Variants in UGT1A6 observed in about 807,000 individuals in gnomAD.
UGT1A6 encodes the protein UDP-glucuronosyltransferase 1A6.
A neutral mutation model predicts 44.4 loss-of-function variants in UGT1A6; 32 were observed. That is an observed-to-expected ratio of 0.72 (90% confidence interval 0.54 to 0.97). UGT1A6 has a LOEUF of 0.97. Ranked by LOEUF, UGT1A6 falls within the 50% of genes least tolerant of loss-of-function variation. The pLI is 0.00. For missense variants in UGT1A6, 685 were observed against 661.9 expected (o/e 1.03, Z -0.38); for synonymous variants, 238 against 248.5 (o/e 0.96, Z 0.40).
intron 1 of UGT1A6, chr2:233,721,861 C>A: frequency 2.0e-6 from 1 of 507,538 alleles, no homozygotes; most frequent in Non-Finnish European, 3.9e-6. Flanking sequence ...CTGCTCGGCC[C>A]TGGGCACACT....
intron 1 of UGT1A6, chr2:233,729,416 CTCAACTGT>C (rs2077854535): frequency 6.2e-7 from 1 of 1,613,510 alleles, no homozygotes. Context: ...CTGGGCCACA[CTCAACTGT>C]ACTTTGAAAC....
At chr2:233,750,094 G>C (rs1227492206) in intron 1 of UGT1A6, among the ~76,000 whole-genome samples, 2 of 151,908 alleles carry the variant, frequency 1.3e-5, no homozygotes, top group Non-Finnish European at 2.9e-5. Flanking sequence ...GAACAGTTTG[G>C]AGAGCTCAGA....
At position 233,694,150 on chromosome 2, in the gene UGT1A6, C is replaced by T. The variant is rs2075202276; in HGVS notation, c.861+285C>T. On this transcript the variant is annotated intron_variant, in intron 1 of 4. Transcript: ENST00000305139. ...CTCATTGAATGAGCCTTAGAAATGT[C>T]CCAGTTCAAACAGAGGTGAAGGCTT... Among the ~76,000 whole-genome samples the T allele has an allele frequency of 1.3e-5, 2 of 152,122 alleles. 1 individual carries two copies. Among genetic ancestry groups the T allele is most frequent in the South Asian group, 4.1e-4 (2 of 4,826 alleles).
At chr2:233,757,679 A>C (rs1462473576) in intron 1 of UGT1A6, among the ~76,000 whole-genome samples, 1 of 151,534 alleles carries the variant, frequency 6.6e-6, no homozygotes, top group African/African-American at 2.4e-5. Context: ...CAAGGAATTC[A>C]AGGGATTCAA....
At chr2:233,743,311 A>AT (rs1692260590) in intron 1 of UGT1A6, 3 of 650,626 alleles carry the variant, frequency 4.6e-6, no homozygotes, top group Non-Finnish European at 7.4e-6. Flanking sequence ...CTTGGTGGTG[A>AT]TTTTTTTACC....
intron 1 of UGT1A6, among the ~76,000 whole-genome samples, chr2:233,759,941 CTTG>C (rs1697287093): frequency 6.6e-6 from 1 of 152,156 alleles, no homozygotes; most frequent in Non-Finnish European, 1.5e-5. Flanking sequence ...AGAAGCCTAA[CTTG>C]TTCACTACAT....
At chr2:233,749,453 C>T (rs1313864160) in intron 1 of UGT1A6, among the ~76,000 whole-genome samples, 3 of 151,804 alleles carry the variant, frequency 2.0e-5, no homozygotes, top group Non-Finnish European at 2.9e-5. Flanking sequence ...TGGAGCAGAA[C>T]GAATTGGGAA....
At position 233,765,603 on chromosome 2, in the gene UGT1A6, T is replaced by C. The variant is rs376691829; in HGVS notation, c.862-1431T>C. ...GGGGAACAACACACACCAGGGCTTG[T>C]GGCGGGGTGAGGGGTGAGGGGAGGA... On this transcript the variant is annotated intron_variant, in intron 1 of 4. Coordinates refer to ENST00000305139, the MANE Select transcript of UGT1A6 (RefSeq NM_001072.4). Among the ~76,000 whole-genome samples, 8 of 151,018 alleles carry C rather than the reference T, an allele frequency of 5.3e-5. No individual in the cohort carries two copies. In the East Asian group the frequency reaches 5.8e-4, roughly 11 times the overall value.
intron 1 of UGT1A6, among the ~76,000 whole-genome samples, chr2:233,758,743 G>T (rs1250346162): frequency 6.6e-6 from 1 of 152,162 alleles, no homozygotes; most frequent in East Asian, 1.9e-4. Context: ...CCCAAGTATG[G>T]CTGGCCAGTG....
chr2:233,713,457 C>T, intron 1 of UGT1A6: 1 of 1,614,142 alleles, frequency 6.2e-7, no homozygotes, highest in Non-Finnish European at 8.5e-7. Context: ...CCCCTTTCAC[C>T]TCTGCGCGGC....
In UGT1A6 at chr2:233,767,082, TTC is replaced by T; in HGVS notation, c.914_915del (p.Ser305PhefsTer18). ...NASGEHGIVV[F>X]SLGSMVSEIP... ...TTCTGGAGAACATGGAATTGTGGTTTTCTCTTTGGGATCAATGGTCTCAGAAA... is the reference window on the plus strand; with the variant it reads ...TTCTGGAGAACATGGAATTGTGGTTTTCTTTGGGATCAATGGTCTCAGAAA... On this transcript the variant is annotated frameshift_variant, in exon 2 of 5. Coordinates refer to ENST00000305139, the MANE Select transcript of UGT1A6 (RefSeq NM_001072.4). LOFTEE classifies it high-confidence loss of function. The T allele has an allele frequency of 6.2e-7, 1 of 1,614,166 alleles. No homozygotes were observed. The highest frequency in any genetic ancestry group is 8.5e-7 in the Non-Finnish European group (1 of 1,180,030).
At chr2:233,722,224 A>G (rs2077000987) in intron 1 of UGT1A6, among the ~76,000 whole-genome samples, 1 of 152,140 alleles carries the variant, frequency 6.6e-6, no homozygotes, top group Non-Finnish European at 1.5e-5. Context: ...TTACACCAAA[A>G]TCTTTATCAT....
chr2:233,716,286 T>G (rs886776584), intron 1 of UGT1A6, among the ~76,000 whole-genome samples: 1 of 152,132 alleles, frequency 6.6e-6, no homozygotes, highest in African/African-American at 2.4e-5. Flanking sequence ...CTTAATATAA[T>G]CACATCTATA....
At chr2:233,692,429 G>A (rs1575447232), upstream of UGT1A6, 1 of 155,914 alleles carries the variant, frequency 6.4e-6, no homozygotes, top group East Asian at 1.9e-4. Flanking sequence ...TCAGACAGAA[G>A]TTGTGGGTAA....
chr2:233,764,590 G>A (rs1263378964), intron 1 of UGT1A6, among the ~76,000 whole-genome samples: 1 of 152,150 alleles, frequency 6.6e-6, no homozygotes, highest in Non-Finnish European at 1.5e-5. Context: ...GCCTTTTCCA[G>A]ATGAGCTTCA....
At chr2:233,709,841 C>T (rs1020241800) in intron 1 of UGT1A6, among the ~76,000 whole-genome samples, 4 of 152,190 alleles carry the variant, frequency 2.6e-5, no homozygotes, top group Admixed American at 2.6e-4. Flanking sequence ...GCAGCCATCA[C>T]CACATTCAAG....
chr2:233,711,517 T>C (rs2076184771), intron 1 of UGT1A6, among the ~76,000 whole-genome samples: 4 of 152,144 alleles, frequency 2.6e-5, no homozygotes, highest in Admixed American at 2.6e-4. Context: ...GCGCTCTGTG[T>C]CCTCACAACT....
At chr2:233,712,978 T>A (rs2076265993) in intron 1 of UGT1A6, 1 of 1,613,140 alleles carries the variant, frequency 6.2e-7, no homozygotes, top group Admixed American at 1.7e-5. Flanking sequence ...CAGCTGTCGG[T>A]GGCTTCTGCT....
chr2:233,700,178 C>T (rs1315960228), intron 1 of UGT1A6, among the ~76,000 whole-genome samples: 1 of 152,190 alleles, frequency 6.6e-6, no homozygotes, highest in South Asian at 2.1e-4. Context: ...CTCATTCAGG[C>T]TGAAATCTCA....
Sources: allele counts gnomAD v4.1 joint callset (sites outside exome capture counted in the v4.1 genomes callset), GRCh38; gene constraint gnomAD v4.1.1; transcripts MANE v1.5; gene names NCBI Gene and HGNC (gene_info 2026-07-23, HGNC 2026-07-21).